The following NKAIN3 variants were observed in gnomAD, a reference collection of about 807,000 sequenced individuals.
NKAIN3 encodes sodium/potassium-transporting ATPase subunit beta-1-interacting protein 3.
NKAIN3 carries 25 observed loss-of-function variants against 30.2 expected under a neutral mutation model. The ratio of observed to expected loss-of-function variants is 0.83; its 90% confidence interval spans 0.60 to 1.16. NKAIN3 has a LOEUF of 1.16. NKAIN3 is among the 50% of genes most tolerant of loss of function. The pLI is 0.00. For missense variants in NKAIN3, 225 were observed against 254.1 expected (o/e 0.89, Z 0.78); for synonymous variants, 91 against 89.6 (o/e 1.02, Z -0.09).
At chr8:62,397,212 G>A (rs879560603) in intron 1 of NKAIN3, among the ~76,000 whole-genome samples, 2 of 151,870 alleles carry the variant, frequency 1.3e-5, no homozygotes, top group African/African-American at 2.4e-5. Flanking sequence ...TTAATTAGAG[G>A]AGAAAATAAA....
At position 62,518,994 on chromosome 8, in the gene NKAIN3, T is replaced by C. The variant is rs1216465200; in HGVS notation, c.55-60545T>C. ...TTCTAATACTGAATAGCTTTCACAA[T>C]GTGTGAAGTGGATATATTTTCCCTA... On this transcript the variant is annotated intron_variant, in intron 1 of 6. Transcript: ENST00000623646. Among the ~76,000 whole-genome samples the C allele has an allele frequency of 4.6e-5, 7 of 151,932 alleles. No homozygotes were observed. In the East Asian group the frequency reaches 1.4e-3, roughly 29 times the overall value.
At chr8:62,917,630 T>G (rs13277506) in intron 4 of NKAIN3, among the ~76,000 whole-genome samples, 103,379 of 152,140 alleles carry the variant, frequency 0.68, 36,052 homozygotes, top group East Asian at 0.9. Context: ...TATAATGGGG[T>G]TAAAGGGTAG....
chr8:62,990,369 T>C, intron 5 of NKAIN3: 1 of 1,249,952 alleles, frequency 8.0e-7, no homozygotes, highest in Non-Finnish European at 1.0e-6. Flanking sequence ...TCTAGTGCAG[T>C]CTAATATATA....
intron 3 of NKAIN3, among the ~76,000 whole-genome samples, chr8:62,705,986 T>G (rs1814507495): frequency 6.6e-6 from 1 of 152,202 alleles, no homozygotes; most frequent in Admixed American, 6.5e-5. Flanking sequence ...TGATTGCTCC[T>G]GATAAACACA....
chr8:62,868,069 G>A (rs187585212), intron 4 of NKAIN3, among the ~76,000 whole-genome samples: 1 of 152,164 alleles, frequency 6.6e-6, no homozygotes, highest in Non-Finnish European at 1.5e-5. Flanking sequence ...TACTGGATCT[G>A]ACTAGAATGC....
chr8:62,595,408 G>A lies in NKAIN3; in HGVS notation c.273+5614G>A, dbSNP rs559742623. ...TTTTTTTTTTTTTTTTTTTGCAGTTGCAAGATTTAATAGAGTGAAATAGAG... is the reference window on the plus strand; with the variant it reads ...TTTTTTTTTTTTTTTTTTTGCAGTTACAAGATTTAATAGAGTGAAATAGAG... On this transcript the variant is annotated intron_variant, in intron 3 of 6. Coordinates refer to ENST00000623646, the MANE Select transcript of NKAIN3 (RefSeq NM_001304533.3). Among the ~76,000 whole-genome samples, 58 of 67,380 alleles carry A rather than the reference G, an allele frequency of 8.6e-4. No individual in the cohort carries two copies. The South Asian group carries it at 0.012, about 14-fold the overall frequency. The allele number at this position is 67,380 out of a possible 152,430, so 44.2% of individuals were successfully genotyped here.
chr8:62,536,551 C>T (rs1808669033), intron 1 of NKAIN3, among the ~76,000 whole-genome samples: 1 of 151,732 alleles, frequency 6.6e-6, no homozygotes, highest in African/African-American at 2.4e-5. Flanking sequence ...GCAAGCATTT[C>T]CTGAATGTTC....
At chr8:62,394,725 C>T (rs1446156892) in intron 1 of NKAIN3, among the ~76,000 whole-genome samples, 3 of 151,400 alleles carry the variant, frequency 2.0e-5, no homozygotes, top group East Asian at 2.0e-4. Flanking sequence ...CAGAGGTGCT[C>T]ATCACTTCCC....
intron 1 of NKAIN3, among the ~76,000 whole-genome samples, chr8:62,542,003 A>T (rs1688063869): frequency 6.6e-6 from 1 of 152,174 alleles, no homozygotes; most frequent in African/African-American, 2.4e-5. Context: ...TGTGGACCTC[A>T]CTGTAAATCT....
At chr8:62,641,084 A>T (rs751178795) in intron 3 of NKAIN3, among the ~76,000 whole-genome samples, 2 of 151,830 alleles carry the variant, frequency 1.3e-5, no homozygotes, top group Non-Finnish European at 2.9e-5. Flanking sequence ...CTTAGAGCTT[A>T]TTAGAAATGC....
intron 4 of NKAIN3, among the ~76,000 whole-genome samples, chr8:62,767,054 C>G (rs1032908500): frequency 6.6e-6 from 1 of 152,114 alleles, no homozygotes. Flanking sequence ...CTTTGCCTGC[C>G]AGTTTCCATT....
intron 4 of NKAIN3, among the ~76,000 whole-genome samples, chr8:62,761,564 G>T (rs181613669): frequency 3.3e-5 from 5 of 152,334 alleles, no homozygotes; most frequent in African/African-American, 1.2e-4. Flanking sequence ...TGGATCTCAA[G>T]TTAAATGAAT....
chr8:62,559,086 C>G (rs1014022472), intron 1 of NKAIN3, among the ~76,000 whole-genome samples: 1 of 151,816 alleles, frequency 6.6e-6, no homozygotes, highest in Non-Finnish European at 1.5e-5. Flanking sequence ...GATTATGCCT[C>G]CAAATATGGT....
intron 4 of NKAIN3, among the ~76,000 whole-genome samples, chr8:62,774,961 T>C (rs1817142334): frequency 6.6e-6 from 1 of 152,144 alleles, no homozygotes; most frequent in African/African-American, 2.4e-5. Flanking sequence ...TTGTTCAGAA[T>C]AGTTTGGATG....
At chr8:62,530,906 A>G (rs1023287661) in intron 1 of NKAIN3, among the ~76,000 whole-genome samples, 9 of 152,152 alleles carry the variant, frequency 5.9e-5, no homozygotes, top group East Asian at 3.9e-4. Context: ...CGGCCTCCCA[A>G]CGTGCTGGAA....
intron 1 of NKAIN3, among the ~76,000 whole-genome samples, chr8:62,287,741 C>G (rs2129399305): frequency 6.6e-6 from 1 of 152,200 alleles, no homozygotes; most frequent in Non-Finnish European, 1.5e-5. Context: ...TCTGGTGTCT[C>G]ATAGCCTACA....
intron 3 of NKAIN3, among the ~76,000 whole-genome samples, chr8:62,622,740 A>G (rs571164217): frequency 6.6e-6 from 1 of 152,006 alleles, no homozygotes; most frequent in South Asian, 2.1e-4. Flanking sequence ...TCATCCTCTT[A>G]ACAGGGCCTG....
chr8:62,871,281 T>C (rs1454725175), intron 4 of NKAIN3, among the ~76,000 whole-genome samples: 1 of 151,598 alleles, frequency 6.6e-6, no homozygotes, highest in African/African-American at 2.4e-5. Flanking sequence ...TGTGCACCTG[T>C]AATCCCAGCT....
intron 1 of NKAIN3, among the ~76,000 whole-genome samples, chr8:62,573,461 T>A (rs1810010024): frequency 6.6e-6 from 1 of 152,166 alleles, no homozygotes; most frequent in African/African-American, 2.4e-5. Flanking sequence ...TTTTGAACCA[T>A]GCTTTCGTTA....
Sources: gnomAD v4.1 joint callset for allele counts (sites outside exome capture counted in the v4.1 genomes callset) on GRCh38, gnomAD v4.1.1 for gene constraint, MANE v1.5 for transcripts, NCBI Gene and HGNC (gene_info 2026-07-23, HGNC 2026-07-21) for gene names.